Variants in MTMR2 observed in about 807,000 individuals in gnomAD.
MTMR2 encodes the protein myotubularin related protein 2, also known as phosphatidylinositol-3,5-bisphosphate 3-phosphatase MTMR2.
In MTMR2, 55 loss-of-function variants were observed where a neutral mutation model predicts 86.9. The ratio of observed to expected loss-of-function variants is 0.63; its 90% confidence interval spans 0.51 to 0.79. The LOEUF (loss-of-function observed/expected upper bound fraction) is 0.79. Among genes scored for constraint, MTMR2 ranks in the 30% least tolerant of loss-of-function variants. MTMR2 has a pLI of 0.00. For synonymous variants in MTMR2, 241 were observed against 266.8 expected (o/e 0.90, Z 0.94); for missense variants, 659 against 772.3 (o/e 0.85, Z 1.74).
intron 1 of MTMR2, among the ~76,000 whole-genome samples, chr11:95,890,399 G>A (rs112682456): frequency 0.031 from 4,706 of 152,130 alleles, 130 homozygotes; most frequent in South Asian, 0.073. Flanking sequence ...CTTTGATCAG[G>A]GTAGTTTGTG....
chr11:95,860,866 T>G (rs930171132), intron 5 of MTMR2, among the ~76,000 whole-genome samples: 23 of 151,984 alleles, frequency 1.5e-4, no homozygotes, highest in African/African-American at 5.6e-4. Context: ...GTTTTAGAAG[T>G]AGAAAAACTG....
At chr11:95,851,810 T>C (rs1454442724) in intron 7 of MTMR2, among the ~76,000 whole-genome samples, 4 of 152,214 alleles carry the variant, frequency 2.6e-5, no homozygotes, top group East Asian at 1.9e-4. Flanking sequence ...ATCTAAAATA[T>C]ATTAGAAAAG....
chr11:95,870,907 C>T (rs1339987213), intron 2 of MTMR2, among the ~76,000 whole-genome samples: 2 of 151,550 alleles, frequency 1.3e-5, no homozygotes, highest in Non-Finnish European at 2.9e-5. Flanking sequence ...CCACAACAGG[C>T]CCTGGTGTGT....
At position 95,833,286 on chromosome 11, in the gene MTMR2, A is replaced by T. The variant is rs1863104099; in HGVS notation, c.*2004T>A. 6.6e-6 allele frequency: 1 copy of T among 152,146 alleles called. No homozygotes were observed. Among genetic ancestry groups the T allele is most frequent in the East Asian group, 1.9e-4 (1 of 5,204 alleles). The allele number at this position is 152,146 out of a possible 1,614,324, so 9.4% of individuals were successfully genotyped here. A position where few individuals can be genotyped will look rare whatever the true frequency, so the allele number is the denominator to read the frequency against. On this transcript the variant is annotated 3_prime_UTR_variant, in exon 15 of 15. Coordinates refer to ENST00000346299, the MANE Select transcript of MTMR2 (RefSeq NM_016156.6). ...GGCTAAGGAGCTTCAACTTAATCAT[A>T]CTGGTCTCTAAATTTTGTAACCCTA...
chr11:95,920,837 A>C (rs1008873212), intron 1 of MTMR2, among the ~76,000 whole-genome samples: 6 of 152,120 alleles, frequency 3.9e-5, no homozygotes, highest in African/African-American at 1.4e-4. Flanking sequence ...CCCTAGGCTC[A>C]AGTGATCCTC....
rs558769359 is a variant in MTMR2 at position 95,879,985 on chromosome 11, T to C, written c.186+8171A>G. 2.6e-4 allele frequency among the ~76,000 whole-genome samples: 40 copies of C among 152,010 alleles called. 1 individual carries two copies. Among genetic ancestry groups the C allele is most frequent in the Non-Finnish European group, 1.8e-4 (12 of 67,948 alleles). ...AGTTTTAAAGTTTCTTCACATATTTTCTGCATATTTAAGTTTATTCCTAGA... is the reference window on the plus strand; with the variant it reads ...AGTTTTAAAGTTTCTTCACATATTTCCTGCATATTTAAGTTTATTCCTAGA... On this transcript the variant is annotated intron_variant, in intron 2 of 14. Coordinates refer to ENST00000346299, the MANE Select transcript of MTMR2 (RefSeq NM_016156.6).
rs1015773638 is a variant in MTMR2, at chr11:95,838,151, T to C, written c.1536A>G (p.Leu512=). Residue 512 remains leucine (L), a synonymous_variant, in exon 13 of 15, where the codon CTA becomes CTG. Coordinates refer to ENST00000346299, the MANE Select transcript of MTMR2 (RefSeq NM_016156.6). The part of the protein sequence containing the change: ...EYFLITILDH[L]YSCLFGTFLC... ...GGAATGTTCCGAATAAGCAGCTGTA[T>C]AGGTGGTCCAAAATGGTAATGAGAA... 5.6e-6 allele frequency: 9 copies of C among 1,611,654 alleles called. No homozygotes were observed. The African/African-American group carries it at 9.4e-5, about 17-fold the overall frequency.
At chr11:95,843,861 TCA>T (rs1863656236) in intron 11 of MTMR2, among the ~76,000 whole-genome samples, 1 of 152,114 alleles carries the variant, frequency 6.6e-6, no homozygotes, top group Non-Finnish European at 1.5e-5. Flanking sequence ...TTGATATAAC[TCA>T]CATAAAGTTC....
rs1433078596 is a variant in MTMR2, at chr11:95,841,648, A to C, written c.1448T>G (p.Phe483Cys). 2 of 1,613,632 alleles carry C rather than the reference A, an allele frequency of 1.2e-6. No individual in the cohort carries two copies. Among genetic ancestry groups the C allele is most frequent in the East Asian group, 4.5e-5 (2 of 44,888 alleles). ...TGTCATCTGCCAGACACAGTCAATAAATTGAAGAAAAACAGGCGATCTGTC... is the reference window on the plus strand; with the variant it reads ...TGTCATCTGCCAGACACAGTCAATACATTGAAGAAAAACAGGCGATCTGTC... Reference protein sequence around the residue: ...DADRSPVFLQFIDCVWQMTRQ... With the variant: ...DADRSPVFLQCIDCVWQMTRQ... The change falls in exon 12 of 15, where the codon TTT becomes TGT. Residue 483 changes from phenylalanine (F) to cysteine (C), a missense_variant. Coordinates refer to ENST00000346299, the MANE Select transcript of MTMR2 (RefSeq NM_016156.6).
intron 13 of MTMR2, 84 bp downstream of exon 13, chr11:95,838,010 G>T: frequency 5.7e-6 from 5 of 884,080 alleles, no homozygotes; most frequent in Non-Finnish European, 7.6e-6. Flanking sequence ...AATGACTTCA[G>T]TTGAAATCTG....
intron 1 of MTMR2, among the ~76,000 whole-genome samples, chr11:95,901,156 C>T (rs1005074860): frequency 6.6e-6 from 1 of 152,128 alleles, no homozygotes; most frequent in Non-Finnish European, 1.5e-5. Context: ...ATCATGAATT[C>T]CCACATCTTC....
intron 2 of MTMR2, among the ~76,000 whole-genome samples, chr11:95,880,329 T>G (rs775746872): frequency 6.6e-6 from 1 of 152,092 alleles, no homozygotes; most frequent in Non-Finnish European, 1.5e-5. Flanking sequence ...TTTACTTAGC[T>G]AGATAGATAC....
At chr11:95,851,412 G>T (rs1363785934) in intron 7 of MTMR2, among the ~76,000 whole-genome samples, 2 of 151,960 alleles carry the variant, frequency 1.3e-5, no homozygotes, top group African/African-American at 2.4e-5. Context: ...TGCCCAGGCT[G>T]GAGTGCAATG....
intron 1 of MTMR2, chr11:95,914,455 C>A (rs999146911): frequency 7.6e-5 from 54 of 706,158 alleles, no homozygotes; most frequent in Non-Finnish European, 9.4e-5. Flanking sequence ...TTTACATGAT[C>A]TTCAAAATGT....
chr11:95,885,783 G>C (rs975778529), intron 2 of MTMR2, among the ~76,000 whole-genome samples: 8 of 152,068 alleles, frequency 5.3e-5, no homozygotes, highest in African/African-American at 1.7e-4. Flanking sequence ...GTATGTGGGT[G>C]GGGGAGGGGC....
Position 95,833,518 on chromosome 11 carries a change from G to A in MTMR2, c.*1772C>T, listed in dbSNP as rs1420272124. 6.6e-6 allele frequency: 1 copy of A among 152,094 alleles called. No homozygotes were observed. The highest frequency in any genetic ancestry group is 1.5e-5 in the Non-Finnish European group (1 of 68,002). 9.4% of individuals were successfully genotyped at this position (152,094 alleles called of 1,614,324 possible). On this transcript the variant is annotated 3_prime_UTR_variant, in exon 15 of 15. Coordinates refer to ENST00000346299, the MANE Select transcript of MTMR2 (RefSeq NM_016156.6). Reference sequence around the variant, plus strand: ...TCCATATTGGAGACTTCTGCAGAAGGTGAGGGGAACCACTGGAAGGTTCTC... The same window carrying A: ...TCCATATTGGAGACTTCTGCAGAAGATGAGGGGAACCACTGGAAGGTTCTC...
intron 3 of MTMR2, among the ~76,000 whole-genome samples, chr11:95,863,965 A>G (rs1004865894): frequency 2.0e-5 from 3 of 152,212 alleles, no homozygotes; most frequent in African/African-American, 7.2e-5. Flanking sequence ...GAAAAGAAAA[A>G]AAGAGCAGTC....
rs763403532 is a variant in MTMR2 at position 95,847,917 on chromosome 11, T to C, written c.994-18A>G. On this transcript the variant is annotated intron_variant, in intron 9 of 14. Transcript: ENST00000346299. Reference sequence around the variant, plus strand: ...CCCTTTGCCTGGAAAAAAGCACACATCATGGAAAATCATAAATGAATGCAC... The same window carrying C: ...CCCTTTGCCTGGAAAAAAGCACACACCATGGAAAATCATAAATGAATGCAC... 1 of 1,607,982 alleles carries C rather than the reference T, an allele frequency of 6.2e-7. No homozygotes were observed. Among genetic ancestry groups the C allele is most frequent in the Non-Finnish European group, 8.5e-7 (1 of 1,174,846 alleles).
chr11:95,857,289 A>G (rs1864247214), intron 7 of MTMR2, among the ~76,000 whole-genome samples: 1 of 152,130 alleles, frequency 6.6e-6, no homozygotes, highest in Non-Finnish European at 1.5e-5. Context: ...GGACAGGAGG[A>G]AAGTTAAAAA....
Sources: gnomAD v4.1 joint callset for allele counts (sites outside exome capture counted in the v4.1 genomes callset) on GRCh38, gnomAD v4.1.1 for gene constraint, MANE v1.5 for transcripts, NCBI Gene and HGNC (gene_info 2026-07-23, HGNC 2026-07-21) for gene names.